Variants in SRP68 observed in about 807,000 individuals in gnomAD.
SRP68 encodes the protein signal recognition particle subunit SRP68.
Under a neutral mutation model 82.2 loss-of-function variants are expected in SRP68, and 15 were observed. That is an observed-to-expected ratio of 0.18 (90% CI 0.12 to 0.28). The LOEUF is 0.28. Among genes scored for constraint, SRP68 ranks in the 10% least tolerant of loss-of-function variants. The probability of loss-of-function intolerance (pLI) is 1.00; values close to 1 mark genes in which losing one functional copy is unlikely to be tolerated. For synonymous variants in SRP68, 261 were observed against 292.6 expected (o/e 0.89, Z 1.10); for missense variants, 595 against 780.5 (o/e 0.76, Z 2.83).
At chr17:76,067,136 T>C in intron 3 of SRP68, 81 bp downstream of exon 3, 1 of 1,060,394 alleles carries the variant, frequency 9.4e-7, no homozygotes, top group Non-Finnish European at 1.5e-6. Context: ...ATTAAAAGGT[T>C]TGGCATGAAG....
At chr17:76,064,256 C>A in intron 3 of SRP68, 85 bp from the exon 4 acceptor site, 1 of 1,268,588 alleles carries the variant, frequency 7.9e-7, no homozygotes, top group Non-Finnish European at 1.1e-6. Context: ...GGCTTCTCGG[C>A]TTTTCTTTAT....
Position 76,040,884 on chromosome 17 carries a change from G to A in SRP68, c.1600+19C>T, listed in dbSNP as rs2066584885. 1.9e-6 allele frequency: 3 copies of A among 1,612,674 alleles called. No individual in the cohort carries two copies. Among genetic ancestry groups the A allele is most frequent in the Non-Finnish European group, 2.5e-6 (3 of 1,179,122 alleles). On this transcript the variant is annotated intron_variant, in intron 14 of 15. Transcript: ENST00000307877. ...AGGAAGGGAAGTCTGGGGATACAAA[G>A]GCCAGGCAGGGGGCTCACCAAGGAT...
At chr17:76,061,315 C>T (rs2066750721) in intron 5 of SRP68, 96 bp from the exon 6 acceptor site, 11 of 982,774 alleles carry the variant, frequency 1.1e-5, no homozygotes, top group Non-Finnish European at 1.7e-5. Flanking sequence ...CCTTTTGAAG[C>T]TCTCCTACCA....
chr17:76,070,270 G>T, intron 2 of SRP68, 108 bp downstream of exon 2: 13 of 746,462 alleles, frequency 1.7e-5, no homozygotes, highest in East Asian at 3.0e-5. Flanking sequence ...AAAAAACAAT[G>T]CTCTAGACTT....
intron 8 of SRP68, among the ~76,000 whole-genome samples, chr17:76,054,366 A>T (rs151135939): frequency 6.8e-4 from 103 of 152,330 alleles, no homozygotes; most frequent in Non-Finnish European, 1.2e-3. Flanking sequence ...TACTATGGGG[A>T]CAAGAATCAA....
In SRP68 at chr17:76,067,267, T is replaced by C. The variant is rs1214144291; in HGVS notation, c.315A>G (p.Arg105=). 1.2e-6 allele frequency: 2 copies of C among 1,613,900 alleles called. No homozygotes were observed. The highest frequency in any genetic ancestry group is 3.3e-5 in the Admixed American group (2 of 59,970). ...TCACTTTCTTCCCTGTGAATTTGTG[T>C]CTGTTACCCATCTTGAAGTTGAGTG... ...RKTLNFKMGN[R]HKFTGKKVTE... is the part of the protein sequence containing the mutation. The change falls in exon 3 of 16, where the codon AGA becomes AGG. Residue 105 remains arginine (R), a synonymous_variant. Coordinates refer to ENST00000307877, the MANE Select transcript of SRP68 (RefSeq NM_014230.4).
At chr17:76,066,727 C>A (rs2066809959) in intron 3 of SRP68, among the ~76,000 whole-genome samples, 1 of 151,096 alleles carries the variant, frequency 6.6e-6, no homozygotes, top group Non-Finnish European at 1.5e-5. Context: ...AATCTCACCC[C>A]CTCCTTTTTT....
rs1260707445 is a variant in SRP68 at position 76,072,123 on chromosome 17, C to T, written c.184+185G>A. On this transcript the variant is annotated intron_variant, in intron 1 of 15. Coordinates refer to ENST00000307877, the MANE Select transcript of SRP68 (RefSeq NM_014230.4). This position sits in a 1 kb window ranked among gnomAD's most constrained non-coding sequence, Gnocchi z 4.5. Reference sequence around the variant, plus strand: ...CCTAGCCAGGACGGCGAGGGGGACACGAGGAAAGACTAGTCGAGAGACAGA... The same window carrying T: ...CCTAGCCAGGACGGCGAGGGGGACATGAGGAAAGACTAGTCGAGAGACAGA... 9 of 1,178,928 alleles carry T rather than the reference C, an allele frequency of 7.6e-6. No homozygotes were observed. The highest frequency in any genetic ancestry group is 1.1e-5 in the Non-Finnish European group (9 of 850,902). 73.0% of individuals were successfully genotyped at this position (1,178,928 alleles called of 1,614,324 possible). A position where few individuals can be genotyped will look rare whatever the true frequency, so the allele number is the denominator to read the frequency against.
intron 7 of SRP68, 74 bp from the exon 8 acceptor site, chr17:76,057,617 A>G (rs1013348878): frequency 3.5e-5 from 53 of 1,511,566 alleles, no homozygotes; most frequent in Admixed American, 3.5e-5. Context: ...AGTGGAATCT[A>G]TCATTTGTCT....
At chr17:76,068,824 G>A (rs1287306841) in intron 2 of SRP68, among the ~76,000 whole-genome samples, 10 of 151,994 alleles carry the variant, frequency 6.6e-5, no homozygotes, top group Non-Finnish European at 1.3e-4. Flanking sequence ...GGCTGGGCTC[G>A]AACTCCGGGG....
At chr17:76,050,902 G>A (rs1312649882) in intron 8 of SRP68, among the ~76,000 whole-genome samples, 1 of 151,574 alleles carries the variant, frequency 6.6e-6, no homozygotes, top group Non-Finnish European at 1.5e-5. Flanking sequence ...ACTGGACTTG[G>A]GACACTCTAC....
At chr17:76,053,622 T>C (rs2066691911) in intron 8 of SRP68, 1 of 985,262 alleles carries the variant, frequency 1.0e-6, no homozygotes, top group Non-Finnish European at 1.2e-6. Context: ...CTGGGAATTT[T>C]ACAAACATCC....
At chr17:76,056,375 C>A (rs1168102857) in intron 8 of SRP68, among the ~76,000 whole-genome samples, 1 of 152,136 alleles carries the variant, frequency 6.6e-6, no homozygotes, top group Non-Finnish European at 1.5e-5. Context: ...TAGTTGCTAC[C>A]AGAGCCGTTG....
At chr17:76,042,378 C>A (rs1056310929) in intron 13 of SRP68, among the ~76,000 whole-genome samples, 1 of 151,550 alleles carries the variant, frequency 6.6e-6, no homozygotes, top group Non-Finnish European at 1.5e-5. Context: ...CTGAGGTCAG[C>A]GGATCAAGAG....
At chr17:76,063,342 A>C (rs1369357293) in intron 4 of SRP68, among the ~76,000 whole-genome samples, 1 of 152,194 alleles carries the variant, frequency 6.6e-6, no homozygotes, top group Non-Finnish European at 1.5e-5. Flanking sequence ...TTCCAGGTAC[A>C]AGATTGTAAG....
intron 15 of SRP68, among the ~76,000 whole-genome samples, 167 bp from the exon 16 acceptor site, chr17:76,040,100 A>T (rs1407423131): frequency 6.6e-6 from 1 of 152,320 alleles, no homozygotes; most frequent in African/African-American, 2.4e-5. Context: ...CCTGCCTTGT[A>T]GTCAAAGTCA....
chr17:76,061,131 G>A lies in SRP68; in HGVS notation c.733C>T (p.Arg245Cys), dbSNP rs780602963. Residue 245 changes from arginine (R) to cysteine (C), a missense_variant, in exon 6 of 16, where the codon CGC becomes TGC. Transcript: ENST00000307877. ...TCACCAATATTATATGCACAATAGC[G>A]GATGTTGGGTGAAATCTCTTCCACA... ...QRVEEISPNI[R>C]YCAYNIGDQS... The A allele has an allele frequency of 7.4e-6, 12 of 1,611,746 alleles. No individual in the cohort carries two copies. The highest frequency in any genetic ancestry group is 1.7e-5 in the Admixed American group (1 of 60,004).
intron 7 of SRP68, among the ~76,000 whole-genome samples, chr17:76,060,066 C>T (rs2066740349): frequency 8.3e-6 from 1 of 120,542 alleles, no homozygotes; most frequent in African/African-American, 3.3e-5. Context: ...GTGGAGCTTG[C>T]AGTAAGCCGA....
At chr17:76,050,882 G>T (rs1434200758) in intron 8 of SRP68, among the ~76,000 whole-genome samples, 1 of 151,588 alleles carries the variant, frequency 6.6e-6, no homozygotes, top group Non-Finnish European at 1.5e-5. Flanking sequence ...CCCCTTGAGG[G>T]GCCTTACAGA....
Sources: allele counts gnomAD v4.1 joint callset (sites outside exome capture counted in the v4.1 genomes callset), GRCh38; gene constraint gnomAD v4.1.1; non-coding constraint Gnocchi (gnomAD v3.1); transcripts MANE v1.5; gene names NCBI Gene and HGNC (gene_info 2026-07-23, HGNC 2026-07-21).